CAST: variants seen among roughly 807,000 people sequenced by gnomAD.
CAST encodes calpastatin, also known as MIR583 host.
Under a neutral mutation model 119.6 loss-of-function variants are expected in CAST, and 76 were observed. The observed-to-expected ratio is 0.64, with a 90% CI of 0.53 to 0.77. CAST has a LOEUF of 0.77. Among genes scored for constraint, CAST ranks in the 30% least tolerant of loss-of-function variants. The pLI is 0.00. For synonymous variants in CAST, 319 were observed against 331.6 expected (o/e 0.96, Z 0.41); for missense variants, 953 against 946.5 (o/e 1.01, Z -0.09).
At chr5:96,154,737 C>T in the CAST span, among the ~76,000 whole-genome samples, 47,317 of 151,984 alleles carry the variant, frequency 0.31, 7,596 homozygotes, top group Middle Eastern at 0.38. Flanking sequence ...GAATGCACCT[C>T]AACTGGGATT....
the CAST span, among the ~76,000 whole-genome samples, chr5:96,478,577 G>A: frequency 3.9e-5 from 6 of 152,292 alleles, no homozygotes; most frequent in East Asian, 3.9e-4. Flanking sequence ...CTTTCTGTTG[G>A]TTAATTATTT....
the CAST span, among the ~76,000 whole-genome samples, chr5:96,002,643 G>C: frequency 6.6e-6 from 1 of 152,072 alleles, no homozygotes; most frequent in African/African-American, 2.4e-5. Context: ...CCAGGGGAGA[G>C]TAAGGTTCTC....
chr5:95,975,556 T>C, the CAST span, among the ~76,000 whole-genome samples: 1 of 152,216 alleles, frequency 6.6e-6, no homozygotes, highest in Non-Finnish European at 1.5e-5. Context: ...CTCTTTCACA[T>C]AGTACAAGTA....
the CAST span, among the ~76,000 whole-genome samples, chr5:96,363,470 T>C: frequency 6.6e-6 from 1 of 152,222 alleles, no homozygotes; most frequent in African/African-American, 2.4e-5. Flanking sequence ...CCCATGAGCA[T>C]GGAGTGTTCT....
chr5:96,469,170 G>C, the CAST span, among the ~76,000 whole-genome samples: 1 of 152,142 alleles, frequency 6.6e-6, no homozygotes, highest in East Asian at 1.9e-4. Context: ...TAATTCCTGT[G>C]GCAACTCAAC....
At chr5:96,348,371 GGA>G in the CAST span, among the ~76,000 whole-genome samples, 2 of 151,456 alleles carry the variant, frequency 1.3e-5, no homozygotes, top group Non-Finnish European at 2.9e-5. Flanking sequence ...AGGAGGCCTG[GGA>G]GAGAGAGGGA....
chr5:95,997,608 A>C, the CAST span, among the ~76,000 whole-genome samples: 4 of 152,186 alleles, frequency 2.6e-5, no homozygotes, highest in Non-Finnish European at 5.9e-5. Context: ...AAGCACTCAG[A>C]ATAGATGTGT....
At chr5:96,551,871 T>C (rs1746132871) in intron 1 of CAST, among the ~76,000 whole-genome samples, 3 of 152,010 alleles carry the variant, frequency 2.0e-5, no homozygotes, top group African/African-American at 7.3e-5. Context: ...GAGCAAACTA[T>C]CCTAAATATA....
chr5:96,753,812 G>A (rs201665043), intron 20 of CAST, among the ~76,000 whole-genome samples: 1 of 151,944 alleles, frequency 6.6e-6, no homozygotes, highest in East Asian at 1.9e-4. Context: ...ACCAACTCTG[G>A]GTCAGGTCTC....
At chr5:96,496,350 CTT>C in the CAST span, among the ~76,000 whole-genome samples, 1 of 152,196 alleles carries the variant, frequency 6.6e-6, no homozygotes, top group Middle Eastern at 3.4e-3. Context: ...GTTGGAAAAA[CTT>C]TTCTTTTTGT....
intron 1 of CAST, among the ~76,000 whole-genome samples, chr5:96,563,417 TGAAGTGCATAAA>T (rs1746417267): frequency 1.3e-5 from 2 of 152,016 alleles, no homozygotes; most frequent in African/African-American, 4.8e-5. Flanking sequence ...AGTGAAAAAA[TGAAGTGCATAAA>T]GTTTGCGTAG....
Position 96,730,819 on chromosome 5 carries a change from G to C in CAST, c.589G>C (p.Val197Leu). The C allele has an allele frequency of 6.2e-7, 1 of 1,614,086 alleles. No individual in the cohort carries two copies. The highest frequency in any genetic ancestry group is 8.5e-7 in the Non-Finnish European group (1 of 1,179,938). Residue 197 changes from valine to leucine, a missense_variant, in exon 9 of 32, where the codon GTT (valine) becomes CTT (leucine). By Grantham distance (32) the Val-to-Leu change is conservative. Transcript: ENST00000675179. ...CATGATTTCTGCTGGTGGAGAGAGT[G>C]TTGCTGGTATCACTGCAATATCTGG... ...QDMISAGGES[V>L]AGITAISGKP...
At chr5:95,974,378 C>T in the CAST span, among the ~76,000 whole-genome samples, 1 of 152,140 alleles carries the variant, frequency 6.6e-6, no homozygotes, top group African/African-American at 2.4e-5. Context: ...TTAACAGGTA[C>T]GCTCCAATTT....
chr5:96,737,693 T>G (rs188151842), intron 10 of CAST, among the ~76,000 whole-genome samples, 156 bp from the exon 11 acceptor site: 99 of 152,326 alleles, frequency 6.5e-4, no homozygotes, highest in African/African-American at 2.2e-3. Context: ...AATAGTAAAG[T>G]CTGTTAAAGA....
upstream of CAST, among the ~76,000 whole-genome samples, chr5:96,520,325 T>C (rs1385390791): frequency 6.6e-6 from 1 of 152,262 alleles, no homozygotes; most frequent in African/African-American, 2.4e-5. Flanking sequence ...GAATGGAGAA[T>C]GTGCTCTGTC....
the CAST span, among the ~76,000 whole-genome samples, chr5:96,101,252 T>C: frequency 6.6e-6 from 1 of 152,242 alleles, no homozygotes; most frequent in Non-Finnish European, 1.5e-5. Flanking sequence ...GTATTTATTT[T>C]TGAATATTTT....
At chr5:96,638,909 G>A (rs968882485) in intron 1 of CAST, among the ~76,000 whole-genome samples, 4 of 151,946 alleles carry the variant, frequency 2.6e-5, no homozygotes, top group Admixed American at 1.3e-4. Context: ...TCTCTCTACC[G>A]CAGCACCTAA....
chr5:96,281,053 C>T, the CAST span, among the ~76,000 whole-genome samples: 3 of 152,176 alleles, frequency 2.0e-5, no homozygotes, highest in Non-Finnish European at 2.9e-5. Context: ...CAGTTTAGAC[C>T]TCTCTGTCTC....
the CAST span, among the ~76,000 whole-genome samples, chr5:96,015,669 T>C: frequency 6.6e-6 from 1 of 152,210 alleles, no homozygotes; most frequent in Non-Finnish European, 1.5e-5. Flanking sequence ...TAATGCTTAC[T>C]ATTTAATATA....
Sources: gnomAD v4.1 joint callset for allele counts (sites outside exome capture counted in the v4.1 genomes callset) on GRCh38, gnomAD v4.1.1 for gene constraint, MANE v1.5 for transcripts, NCBI Gene and HGNC (gene_info 2026-07-23, HGNC 2026-07-21) for gene names.